The following HSPA4L variants were observed in gnomAD, a reference collection of about 807,000 sequenced individuals.
The protein encoded by HSPA4L is heat shock protein family A (Hsp70) member 4 like.
Under a neutral mutation model 100.3 loss-of-function variants are expected in HSPA4L, and 48 were observed. The ratio of observed to expected loss-of-function variants is 0.48; its 90% CI spans 0.38 to 0.61. HSPA4L has a LOEUF of 0.61. HSPA4L is among the 20% of genes least tolerant of loss of function. The pLI is 0.00. For missense variants in HSPA4L, 886 were observed against 988.6 expected (o/e 0.90, Z 1.39); for synonymous variants, 319 against 328.2 (o/e 0.97, Z 0.30).
chr4:127,814,362 C>T (rs1733618235), intron 12 of HSPA4L, among the ~76,000 whole-genome samples: 1 of 152,056 alleles, frequency 6.6e-6, no homozygotes, highest in African/African-American at 2.4e-5. Context: ...CATTATGGAT[C>T]ATATACTTGG....
chr4:127,806,212 T>A (rs956350978), intron 10 of HSPA4L, among the ~76,000 whole-genome samples: 19 of 152,156 alleles, frequency 1.2e-4, no homozygotes, highest in Admixed American at 3.9e-4. Context: ...TTAGCTTTTT[T>A]AATTATATTG....
chr4:127,807,423 G>A (rs933042672), intron 10 of HSPA4L, among the ~76,000 whole-genome samples: 3 of 151,964 alleles, frequency 2.0e-5, no homozygotes, highest in South Asian at 2.1e-4. Context: ...GCACACTGAC[G>A]TTTTTAGGGG....
In HSPA4L at chr4:127,805,129, C is replaced by A; in HGVS notation, c.1042C>A (p.Pro348Thr). ...AATTGTAGGAGGAGCAACACGAATT[C>A]CTGCAGTGAAAGAACAAATCACTAA... ...IEIVGGATRI[P>T]AVKEQITKFF... Residue 348 changes from proline (P) to threonine (T), a missense_variant, in exon 9 of 19, where the codon CCT becomes ACT. Coordinates refer to ENST00000296464, the MANE Select transcript of HSPA4L (RefSeq NM_014278.4). The A allele has an allele frequency of 6.2e-7, 1 of 1,611,922 alleles. No homozygotes were observed. The highest frequency in any genetic ancestry group is 8.5e-7 in the Non-Finnish European group (1 of 1,178,570).
intron 10 of HSPA4L, among the ~76,000 whole-genome samples, chr4:127,807,052 C>T (rs749658111): frequency 1.3e-5 from 2 of 151,646 alleles, no homozygotes; most frequent in Non-Finnish European, 3.0e-5. Flanking sequence ...TGTAAGAAAA[C>T]GTATGGGGAG....
At position 127,834,831 on chromosome 4, in the gene HSPA4L, A is replaced by T. The variant is rs914870998; in HGVS notation, c.*1957A>T. The T allele has an allele frequency of 3.3e-5, 5 of 152,052 alleles. No individual in the cohort carries two copies. Among genetic ancestry groups the T allele is most frequent in the African/African-American group, 1.2e-4 (5 of 41,422 alleles). 9.4% of individuals were successfully genotyped at this position (152,052 alleles called of 1,614,324 possible). A position where few individuals can be genotyped will look rare whatever the true frequency, so the allele number is the denominator to read the frequency against. On this transcript the variant is annotated 3_prime_UTR_variant, in exon 19 of 19. Transcript: ENST00000296464. ...AACAACTTTTCTATTAATACATCTA[A>T]ATTTTCTAGTATATCCTGACATTTT... is the stretch of plus-strand genomic sequence containing the variant.
intron 15 of HSPA4L, 122 bp from the exon 16 acceptor site, chr4:127,823,395 C>A: frequency 1.6e-6 from 1 of 636,936 alleles, no homozygotes; most frequent in Non-Finnish European, 2.7e-6. Flanking sequence ...GCGATCCTCC[C>A]ACCTTGGCCT....
intron 18 of HSPA4L, among the ~76,000 whole-genome samples, chr4:127,831,430 A>G (rs551211991): frequency 6.6e-5 from 10 of 150,786 alleles, no homozygotes; most frequent in Non-Finnish European, 1.3e-4. Context: ...GAGCCCAGGA[A>G]TTTGAGGCAG....
chr4:127,822,337 A>C (rs1016257641), intron 14 of HSPA4L, among the ~76,000 whole-genome samples: 1 of 152,196 alleles, frequency 6.6e-6, no homozygotes, highest in African/African-American at 2.4e-5. Flanking sequence ...AGCACGTATC[A>C]TAACTTCATT....
rs1734151599 is a variant in HSPA4L, at chr4:127,834,059, G to A, written c.*1185G>A. ...TCTTATACAAATTAAATGCGAAAAG[G>A]GACTGTAAACTTAAGATGTATTTTA... On this transcript the variant is annotated 3_prime_UTR_variant, in exon 19 of 19. Transcript: ENST00000296464. The A allele has an allele frequency of 6.6e-6, 1 of 152,086 alleles. No homozygotes were observed. Among genetic ancestry groups the A allele is most frequent in the Admixed American group, 6.6e-5 (1 of 15,266 alleles). 9.4% of individuals were successfully genotyped at this position (152,086 alleles called of 1,614,324 possible). A position where few individuals can be genotyped will look rare whatever the true frequency, so the allele number is the denominator to read the frequency against.
At chr4:127,827,221 A>G in intron 16 of HSPA4L, 84 bp from the exon 17 acceptor site, 1 of 1,108,358 alleles carries the variant, frequency 9.0e-7, no homozygotes, top group Non-Finnish European at 1.3e-6. Flanking sequence ...TTTTCTTCCT[A>G]TTTATCATCC....
At chr4:127,799,750 G>A (rs1261884599) in intron 4 of HSPA4L, among the ~76,000 whole-genome samples, 1 of 152,162 alleles carries the variant, frequency 6.6e-6, no homozygotes, top group Non-Finnish European at 1.5e-5. Flanking sequence ...GGTTGGTGCA[G>A]TAGACCCATT....
intron 3 of HSPA4L, among the ~76,000 whole-genome samples, chr4:127,797,984 C>A (rs10493146): frequency 1.3e-5 from 2 of 151,994 alleles, no homozygotes; most frequent in Admixed American, 6.6e-5. Flanking sequence ...TCTTTATGCA[C>A]CCCTGGTTTA....
intron 9 of HSPA4L, among the ~76,000 whole-genome samples, chr4:127,805,483 A>G (rs1210995393): frequency 6.6e-6 from 1 of 152,118 alleles, no homozygotes; most frequent in Non-Finnish European, 1.5e-5. Context: ...CCTTTTGGAG[A>G]TGTAAAGATA....
intron 17 of HSPA4L, among the ~76,000 whole-genome samples, chr4:127,830,000 T>C (rs987249799): frequency 6.6e-6 from 1 of 152,166 alleles, no homozygotes; most frequent in Admixed American, 6.5e-5. Flanking sequence ...TTTTTCTTCA[T>C]ATATATAGCT....
intron 10 of HSPA4L, among the ~76,000 whole-genome samples, chr4:127,806,530 T>C (rs552263437): frequency 1.4e-4 from 21 of 152,102 alleles, no homozygotes; most frequent in South Asian, 4.1e-4. Flanking sequence ...TAGCTCATTT[T>C]CTCCTGTACT....
rs201383324 is a variant in HSPA4L at position 127,795,888 on chromosome 4, A to G, written c.286A>G (p.Asn96Asp). 1.9e-5 allele frequency: 31 copies of G among 1,613,652 alleles called. No individual in the cohort carries two copies. Among genetic ancestry groups the G allele is most frequent in the Non-Finnish European group, 2.6e-5 (31 of 1,179,632 alleles). The change falls in exon 3 of 19, where the codon AAT (asparagine) becomes GAT (aspartate). Residue 96 changes from asparagine to aspartate, a missense_variant. Coordinates refer to ENST00000296464, the MANE Select transcript of HSPA4L (RefSeq NM_014278.4). ...RLPYELQKMP[N>D]GSAGVKVRYL... ...TCCCTATGAACTGCAGAAAATGCCT[A>G]ATGGAAGTGCAGGAGTTAAGGTAAG...
chr4:127,784,484 A>G (rs1263308358), intron 1 of HSPA4L, among the ~76,000 whole-genome samples: 2 of 152,202 alleles, frequency 1.3e-5, no homozygotes, highest in Non-Finnish European at 2.9e-5. Context: ...AAGTAATGTG[A>G]TATTTCTGAT....
intron 16 of HSPA4L, among the ~76,000 whole-genome samples, chr4:127,825,480 TAAAAG>T (rs1733926763): frequency 6.6e-6 from 1 of 152,028 alleles, no homozygotes; most frequent in Non-Finnish European, 1.5e-5. Flanking sequence ...TTACTCAACT[TAAAAG>T]TAAAAGAAGT....
rs1291958322 is a variant in HSPA4L, at chr4:127,838,851, T to G, written c.*5977T>G. Reference sequence around the variant, plus strand: ...TTTACTGATAATCCAATCACTTGGATAGTTAATTTTATTACTTTTTGTTTC... The same window carrying G: ...TTTACTGATAATCCAATCACTTGGAGAGTTAATTTTATTACTTTTTGTTTC... On this transcript the variant is annotated 3_prime_UTR_variant, in exon 19 of 19. Transcript: ENST00000296464. 1.3e-5 allele frequency: 2 copies of G among 152,248 alleles called. No homozygotes were observed. The highest frequency in any genetic ancestry group is 2.4e-5 in the African/African-American group (1 of 41,480). The allele number at this position is 152,248 out of a possible 1,614,324, so 9.4% of individuals were successfully genotyped here. A position where few individuals can be genotyped will look rare whatever the true frequency, so the allele number is the denominator to read the frequency against.
Sources: allele counts gnomAD v4.1 joint callset (sites outside exome capture counted in the v4.1 genomes callset), GRCh38; gene constraint gnomAD v4.1.1; transcripts MANE v1.5; gene names NCBI Gene and HGNC (gene_info 2026-07-23, HGNC 2026-07-21).